Variants in TRIO observed in about 807,000 individuals in gnomAD.
TRIO encodes the protein triple functional domain protein.
In TRIO, 58 loss-of-function variants were observed where a neutral mutation model predicts 351.9. The ratio of observed to expected loss-of-function variants is 0.16; its 90% CI spans 0.13 to 0.21. The LOEUF (loss-of-function observed/expected upper bound fraction) is 0.21, where lower values mean the gene tolerates loss of function less well. Among genes scored for constraint, TRIO ranks in the 10% least tolerant of loss-of-function variants. The probability of loss-of-function intolerance (pLI) is 1.00; values close to 1 mark genes in which losing one functional copy is unlikely to be tolerated. For missense variants in TRIO, 3,201 were observed against 4,027.8 expected (o/e 0.79, Z 5.56); for synonymous variants, 1,758 against 1,595.7 (o/e 1.10, Z -2.42).
intron 10 of TRIO, among the ~76,000 whole-genome samples, chr5:14,334,153 C>T (rs1741179543): frequency 6.6e-6 from 1 of 152,232 alleles, no homozygotes; most frequent in South Asian, 2.1e-4. Flanking sequence ...GTATCCATGT[C>T]CTGCCGCTTT....
At chr5:14,471,594 A>G in intron 38 of TRIO, 128 bp downstream of exon 38, 1 of 1,234,506 alleles carries the variant, frequency 8.1e-7, no homozygotes, top group Non-Finnish European at 1.1e-6. Context: ...CTCATTAAGT[A>G]ACTGCACGTA....
At chr5:14,239,416 A>G (rs1043655744) in intron 1 of TRIO, among the ~76,000 whole-genome samples, 7 of 152,220 alleles carry the variant, frequency 4.6e-5, no homozygotes, top group Non-Finnish European at 8.8e-5. Context: ...TGGTGTCTCT[A>G]CTAACAGAAA....
Position 14,498,582 on chromosome 5 carries a change from G to C in TRIO, c.8274G>C (p.Thr2758=), listed in dbSNP as rs142849878. ...GVTTEDDGIY[T]CIAVNDMGSA... is the part of the protein sequence containing the mutation. Reference sequence around the variant, plus strand: ...CCACGGAAGATGACGGCATCTACACGTGCATCGCTGTCAATGACATGGGTT... The same window carrying C: ...CCACGGAAGATGACGGCATCTACACCTGCATCGCTGTCAATGACATGGGTT... Residue 2758 remains threonine (T), a synonymous_variant, in exon 53 of 57, where the codon ACG becomes ACC. Coordinates refer to ENST00000344204, the MANE Select transcript of TRIO (RefSeq NM_007118.4). The C allele has an allele frequency of 6.2e-7, 1 of 1,614,230 alleles. No individual in the cohort carries two copies. Among genetic ancestry groups the C allele is most frequent in the African/African-American group, 1.3e-5 (1 of 75,068 alleles).
intron 7 of TRIO, among the ~76,000 whole-genome samples, chr5:14,303,185 A>C (rs1429799610): frequency 9.3e-6 from 1 of 107,450 alleles, no homozygotes; most frequent in African/African-American, 3.3e-5. Context: ...CTGCCGCAGG[A>C]CTGTTGATGA....
At chr5:14,488,317 C>G (rs1240062002) in intron 48 of TRIO, 57 bp downstream of exon 48, 9 of 1,509,640 alleles carry the variant, frequency 6.0e-6, no homozygotes, top group Non-Finnish European at 8.0e-6. Flanking sequence ...CCCGCCAGCT[C>G]TAAACGCCAC....
At chr5:14,484,585 C>G (rs1579792644) in intron 46 of TRIO, among the ~76,000 whole-genome samples, 1 of 152,196 alleles carries the variant, frequency 6.6e-6, no homozygotes, top group East Asian at 1.9e-4. Context: ...CAGTGGGGAT[C>G]AATGTGCTTT....
chr5:14,366,386 T>C (rs538875928), intron 15 of TRIO, among the ~76,000 whole-genome samples: 1 of 152,002 alleles, frequency 6.6e-6, no homozygotes, highest in Admixed American at 6.5e-5. Flanking sequence ...ATTCATACCT[T>C]GGTTATTATG....
At chr5:14,261,357 C>T (rs1795333845) in intron 1 of TRIO, among the ~76,000 whole-genome samples, 1 of 152,196 alleles carries the variant, frequency 6.6e-6, no homozygotes. Flanking sequence ...GGAGGCCTCA[C>T]AGAGGCTTAA....
At chr5:14,284,127 C>T (rs1220280475) in intron 3 of TRIO, among the ~76,000 whole-genome samples, 1 of 152,084 alleles carries the variant, frequency 6.6e-6, no homozygotes, top group Non-Finnish European at 1.5e-5. Context: ...TACTTTCTTC[C>T]TCTAGGAACG....
intron 1 of TRIO, among the ~76,000 whole-genome samples, chr5:14,238,720 TG>T (rs1293614540): frequency 6.6e-6 from 1 of 152,228 alleles, no homozygotes; most frequent in Non-Finnish European, 1.5e-5. Flanking sequence ...AGGATCCTAT[TG>T]GATGGTTCTT....
intron 11 of TRIO, among the ~76,000 whole-genome samples, chr5:14,355,766 A>G (rs867023914): frequency 6.6e-6 from 1 of 152,236 alleles, no homozygotes; most frequent in African/African-American, 2.4e-5. Flanking sequence ...TAAAGCCTTT[A>G]TAGATGGTGC....
chr5:14,206,897 C>T (rs1791493341), intron 1 of TRIO, among the ~76,000 whole-genome samples: 2 of 152,094 alleles, frequency 1.3e-5, no homozygotes, highest in East Asian at 1.9e-4. Context: ...AATCATGTTA[C>T]ATATGTTTAA....
At chr5:14,446,899 C>T (rs1016413198) in intron 34 of TRIO, among the ~76,000 whole-genome samples, 1 of 152,132 alleles carries the variant, frequency 6.6e-6, no homozygotes, top group East Asian at 1.9e-4. Flanking sequence ...ATATTCCATC[C>T]CTTGAAACTC....
At chr5:14,390,085 TGA>T (rs1746916156) in intron 25 of TRIO, 144 bp from the exon 26 acceptor site, 1 of 688,156 alleles carries the variant, frequency 1.5e-6, no homozygotes, top group African/African-American at 1.8e-5. Context: ...GCTAGCTGTT[TGA>T]AAGTCACAAT....
chr5:14,426,432 G>A (rs1750646750), intron 34 of TRIO, among the ~76,000 whole-genome samples: 1 of 152,140 alleles, frequency 6.6e-6, no homozygotes, highest in African/African-American at 2.4e-5. Flanking sequence ...ATAAATCTTG[G>A]TCTAGTTAGC....
chr5:14,465,895 G>T (rs2126524412), intron 37 of TRIO: 1 of 464,232 alleles, frequency 2.2e-6, no homozygotes, highest in Non-Finnish European at 4.0e-6. Context: ...GGGAAGAACT[G>T]CATAGGGCAG....
At chr5:14,309,680 G>C (rs1330492307) in intron 8 of TRIO, among the ~76,000 whole-genome samples, 2 of 152,216 alleles carry the variant, frequency 1.3e-5, no homozygotes, top group Non-Finnish European at 2.9e-5. Context: ...GCTCTGAAGA[G>C]CTGGGGGTCT....
intron 1 of TRIO, among the ~76,000 whole-genome samples, chr5:14,198,119 G>T (rs1261440131): frequency 6.6e-6 from 1 of 152,148 alleles, no homozygotes; most frequent in Admixed American, 6.5e-5. Context: ...GAAAACAGAA[G>T]AAAAGTCACT....
chr5:14,506,207 C>T (rs375571941), intron 55 of TRIO, among the ~76,000 whole-genome samples: 35 of 152,178 alleles, frequency 2.3e-4, no homozygotes, highest in African/African-American at 8.4e-4. Context: ...TAAAGGCCTT[C>T]GTTTCTGGAC....
Sources: gnomAD v4.1 joint callset for allele counts (sites outside exome capture counted in the v4.1 genomes callset) on GRCh38, gnomAD v4.1.1 for gene constraint, MANE v1.5 for transcripts, NCBI Gene and HGNC (gene_info 2026-07-23, HGNC 2026-07-21) for gene names.